Variants in FAM178B observed in about 807,000 individuals in gnomAD.
FAM178B encodes protein FAM178B.
A neutral mutation model predicts 91.7 loss-of-function variants in FAM178B; 82 were observed. The ratio of observed to expected loss-of-function variants is 0.89; its 90% confidence interval spans 0.75 to 1.07. The LOEUF is 1.07. FAM178B is among the 50% of genes least tolerant of loss of function. The probability of loss-of-function intolerance (pLI) is 0.00; values close to 1 mark genes in which losing one functional copy is unlikely to be tolerated. For synonymous variants in FAM178B, 368 were observed against 359.4 expected, an observed-to-expected ratio of 1.02 and a Z score of -0.27; for missense variants, 769 against 846.7, an observed-to-expected ratio of 0.91 and a Z score of 1.14.
chr2:96,900,443 G>A (rs747167574), intron 13 of FAM178B, among the ~76,000 whole-genome samples: 3 of 152,196 alleles, frequency 2.0e-5, no homozygotes, highest in Non-Finnish European at 4.4e-5. Context: ...GCCAGGCACC[G>A]CCAGGTGCCG....
chr2:96,942,185 A>G (rs1481053314), intron 8 of FAM178B, among the ~76,000 whole-genome samples: 1 of 152,248 alleles, frequency 6.6e-6, no homozygotes. Flanking sequence ...AAATTACAAC[A>G]CATTGTTGAC....
intron 6 of FAM178B, among the ~76,000 whole-genome samples, chr2:96,958,066 T>A: frequency 8.1e-6 from 1 of 123,666 alleles, no homozygotes; most frequent in East Asian, 2.7e-4. Flanking sequence ...ATTTGAAGAA[T>A]CTTTTTTTTT....
At chr2:96,898,375 C>T (rs1460128691) in intron 13 of FAM178B, among the ~76,000 whole-genome samples, 3 of 152,132 alleles carry the variant, frequency 2.0e-5, no homozygotes, top group Non-Finnish European at 4.4e-5. Flanking sequence ...CAGCTCTAGG[C>T]GGGGTACAGT....
intron 12 of FAM178B, among the ~76,000 whole-genome samples, chr2:96,919,192 A>G (rs1284511414): frequency 6.6e-6 from 1 of 152,240 alleles, no homozygotes; most frequent in African/African-American, 2.4e-5. Context: ...GCAGCTGTGA[A>G]AAGAGTGAGG....
chr2:96,939,452 C>T lies in FAM178B; in HGVS notation c.1078+8366G>A, dbSNP rs147182620. Among the ~76,000 whole-genome samples, 432 of 151,912 alleles carry T rather than the reference C, an allele frequency of 2.8e-3. 1 individual carries two copies. Among genetic ancestry groups the T allele is most frequent in the Non-Finnish European group, 4.6e-3 (316 of 67,970 alleles). ...CGGAGCTTGTAGTGAGCCGAGATCG[C>T]GCCACTGCATTCTGGCCTGGGCGAC... On this transcript the variant is annotated intron_variant, in intron 8 of 16. Transcript: ENST00000490605.
At chr2:96,892,043 G>A (rs1574198984) in intron 14 of FAM178B, among the ~76,000 whole-genome samples, 1 of 152,232 alleles carries the variant, frequency 6.6e-6, no homozygotes, top group East Asian at 1.9e-4. Flanking sequence ...TTATAAAACA[G>A]GGTGGATGCC....
chr2:96,950,181 C>T (rs577287140), intron 7 of FAM178B: 3 of 985,356 alleles, frequency 3.0e-6, no homozygotes, highest in Non-Finnish European at 3.6e-6. Flanking sequence ...GGTGCCGTCT[C>T]AGATGGGTCC....
At position 96,972,133 on chromosome 2, in the gene FAM178B, C is replaced by G. The variant is rs1007881524; in HGVS notation, c.332G>C (p.Ser111Thr). 2.6e-6 allele frequency: 4 copies of G among 1,532,132 alleles called. No homozygotes were observed. The highest frequency in any genetic ancestry group is 2.5e-5 in the East Asian group (1 of 40,788). The allele number at this position is 1,532,132 out of a possible 1,614,324, so 94.9% of individuals were successfully genotyped here. ...APGETFPTDW[S>T]PPPVEFLNPR... ...GTTGAGGAATTCCACGGGCGGGGGGCTCCAGTCAGTGGGAAACGTTTCCCC... is the reference window on the plus strand; with the variant it reads ...GTTGAGGAATTCCACGGGCGGGGGGGTCCAGTCAGTGGGAAACGTTTCCCC... Residue 111 changes from serine to threonine, a missense_variant, in exon 3 of 17, where the codon AGC becomes ACC. Physicochemically the swap from Ser to Thr is moderately conservative, Grantham distance 58. Transcript: ENST00000490605.
chr2:96,961,342 C>CGTGTGT (rs1559098707), intron 5 of FAM178B, among the ~76,000 whole-genome samples: 1 of 99,742 alleles, frequency 1.0e-5, no homozygotes, highest in African/African-American at 4.0e-5. Context: ...TGTGTGTGTA[C>CGTGTGT]ACACACACAA....
At chr2:96,916,574 A>G (rs1397032550) in intron 12 of FAM178B, among the ~76,000 whole-genome samples, 3 of 152,222 alleles carry the variant, frequency 2.0e-5, no homozygotes, top group Admixed American at 2.0e-4. Context: ...TGGGGATGGC[A>G]TGCTGCTCTT....
chr2:96,900,130 T>C (rs2080898970), intron 13 of FAM178B, among the ~76,000 whole-genome samples: 1 of 152,116 alleles, frequency 6.6e-6, no homozygotes, highest in Non-Finnish European at 1.5e-5. Context: ...TGGCCACCTG[T>C]GTCGCGCCCC....
At chr2:96,931,066 A>C (rs1208829475) in intron 8 of FAM178B, among the ~76,000 whole-genome samples, 1 of 152,236 alleles carries the variant, frequency 6.6e-6, no homozygotes, top group Non-Finnish European at 1.5e-5. Context: ...AAATGGACCA[A>C]AACAGGGAGA....
At position 96,937,108 on chromosome 2, in the gene FAM178B, T is replaced by C. The variant is rs758006604; in HGVS notation, c.1079-7788A>G. Among the ~76,000 whole-genome samples the C allele has an allele frequency of 3.9e-4, 59 of 151,858 alleles. 1 individual carries two copies. Among genetic ancestry groups the C allele is most frequent in the Non-Finnish European group, 1.0e-4 (7 of 67,954 alleles). On this transcript the variant is annotated intron_variant, in intron 8 of 16. Coordinates refer to ENST00000490605, the MANE Select transcript of FAM178B (RefSeq NM_001122646.3). ...CGAGATTTCACTATGTTGCCCAGAC[T>C]GGTATGGAACTCCTGAGCTCAAGCA...
chr2:96,878,539 G>T, intron 14 of FAM178B, 46 bp from the exon 15 acceptor site: 2 of 1,586,430 alleles, frequency 1.3e-6, no homozygotes, highest in African/African-American at 2.7e-5. Context: ...CTCCACCCAG[G>T]GCAGCATGGC....
rs114017260 is a variant in FAM178B at position 96,897,206 on chromosome 2, C to A, written c.1651-3155G>T. Among the ~76,000 whole-genome samples the A allele has an allele frequency of 4.6e-3, 693 of 152,284 alleles. 2 individuals carry two copies. The highest frequency in any genetic ancestry group is 0.016 in the African/African-American group (674 of 41,550). On this transcript the variant is annotated intron_variant, in intron 13 of 16. Transcript: ENST00000490605. ...TTGCTTTTTATCACCTATTCCCCCC[C>A]ACTCCCTGGAATGTAAACTCTCTGA...
At chr2:96,881,270 CAAAA>C (rs1168855038) in intron 14 of FAM178B, among the ~76,000 whole-genome samples, 3 of 64,374 alleles carry the variant, frequency 4.7e-5, no homozygotes, top group Non-Finnish European at 1.0e-4. Context: ...AAGCTGGTCT[CAAAA>C]AAAAAAAAAA....
chr2:96,929,093 G>A, intron 9 of FAM178B, 113 bp downstream of exon 9: 2 of 751,244 alleles, frequency 2.7e-6, no homozygotes, highest in Non-Finnish European at 4.5e-6. Context: ...GGGAGGTGGA[G>A]GCCGCAGTGA....
At chr2:96,877,757 A>T in intron 16 of FAM178B, 133 bp downstream of exon 16, 1 of 876,532 alleles carries the variant, frequency 1.1e-6, no homozygotes, top group Non-Finnish European at 1.7e-6. Flanking sequence ...CCCTTCCCCC[A>T]CATGCCCACT....
intron 12 of FAM178B, among the ~76,000 whole-genome samples, chr2:96,919,131 G>A (rs1338469204): frequency 3.9e-5 from 6 of 152,202 alleles, no homozygotes; most frequent in Admixed American, 1.3e-4. Flanking sequence ...GACTGTGGTC[G>A]CCCTGCTACA....
Sources: gnomAD v4.1 joint callset for allele counts (sites outside exome capture counted in the v4.1 genomes callset) on GRCh38, gnomAD v4.1.1 for gene constraint, MANE v1.5 for transcripts, NCBI Gene and HGNC (gene_info 2026-07-23, HGNC 2026-07-21) for gene names.